Variants in RIF1 observed in about 807,000 individuals in gnomAD.
RIF1 encodes telomere-associated protein RIF1.
In RIF1, 45 loss-of-function variants were observed where a neutral mutation model predicts 247.1. The observed-to-expected ratio is 0.18, with a 90% CI of 0.14 to 0.23. The LOEUF (loss-of-function observed/expected upper bound fraction) is 0.23, where lower values mean the gene tolerates loss of function less well. Ranked by LOEUF, RIF1 falls within the 10% of genes least tolerant of loss-of-function variation. The probability of loss-of-function intolerance (pLI) is 1.00; values close to 1 mark genes in which losing one functional copy is unlikely to be tolerated. For missense variants in RIF1, 2,967 were observed against 2,862.5 expected (o/e 1.04, Z -0.83); for synonymous variants, 1,087 against 978.8 (o/e 1.11, Z -2.06).
At chr2:151,440,351 A>G (rs1391282081) in intron 15 of RIF1, among the ~76,000 whole-genome samples, 1 of 152,200 alleles carries the variant, frequency 6.6e-6, no homozygotes, top group Non-Finnish European at 1.5e-5. Context: ...CAACGTGGTA[A>G]GAAAAAAGTA....
At chr2:151,410,887 A>G (rs1160527912) in intron 2 of RIF1, among the ~76,000 whole-genome samples, 4 of 152,074 alleles carry the variant, frequency 2.6e-5, no homozygotes, top group South Asian at 2.1e-4. Context: ...AGAGCAATAC[A>G]CTGATTTTTA....
chr2:151,533,037 T>C, the RIF1 span, among the ~76,000 whole-genome samples: 1 of 152,142 alleles, frequency 6.6e-6, no homozygotes, highest in African/African-American at 2.4e-5. Context: ...CTGCAACAGT[T>C]GTAGTGATAA....
intron 11 of RIF1, among the ~76,000 whole-genome samples, chr2:151,502,417 A>G (rs991742038): frequency 6.6e-6 from 1 of 152,046 alleles, no homozygotes; most frequent in Non-Finnish European, 1.5e-5. Flanking sequence ...AGCTGCAAAC[A>G]TAAAGAATAC....
Position 151,466,034 on chromosome 2 carries a change from T to G in RIF1, c.6514T>G (p.Ser2172Ala). 1 of 1,613,800 alleles carries G rather than the reference T, an allele frequency of 6.2e-7. No individual in the cohort carries two copies. The highest frequency in any genetic ancestry group is 8.5e-7 in the Non-Finnish European group (1 of 1,179,756). ...PSGMQTRCVW[S>A]PLASPSTSIL... ...TGGCATGCAGACACGCTGTGTCTGG[T>G]CTCCTTTGGCTTCTCCGTCTACGAG... is the stretch of plus-strand genomic sequence containing the variant. The change falls in exon 30 of 36, where the codon TCT becomes GCT. Residue 2172 changes from serine (S) to alanine (A), a missense_variant. Around this residue, in one of 7 missense-constraint regions of RIF1, gnomAD observed 2,028 missense variants for 1,825.6 expected, o/e 1.11. Coordinates refer to ENST00000444746, the MANE Select transcript of RIF1 (RefSeq NM_018151.5).
At chr2:151,483,783 C>G (rs1460701343), downstream of RIF1, among the ~76,000 whole-genome samples, 1 of 152,202 alleles carries the variant, frequency 6.6e-6, no homozygotes, top group African/African-American at 2.4e-5. Flanking sequence ...GCATTACCAC[C>G]TGAGCTCTGC....
downstream of RIF1, among the ~76,000 whole-genome samples, chr2:151,509,188 A>G (rs1328083686): frequency 2.0e-5 from 3 of 152,202 alleles, no homozygotes; most frequent in Non-Finnish European, 4.4e-5. Context: ...CCAATGAGAG[A>G]TGTAGGCCTA....
intron 9 of RIF1, among the ~76,000 whole-genome samples, chr2:151,431,355 A>G (rs1690091630): frequency 6.6e-6 from 1 of 152,262 alleles, no homozygotes; most frequent in Non-Finnish European, 1.5e-5. Context: ...AGAATGGCTC[A>G]GTGGCCGACT....
chr2:151,410,570 TA>T (rs747969690), intron 2 of RIF1, 43 bp downstream of exon 2: 30 of 1,479,480 alleles, frequency 2.0e-5, no homozygotes, highest in Admixed American at 5.3e-5. Context: ...GGGCGCTCTA[TA>T]GTGGGGAGAA....
At chr2:151,453,579 CAAAA>C (rs59661470) in intron 21 of RIF1, among the ~76,000 whole-genome samples, 4 of 72,918 alleles carry the variant, frequency 5.5e-5, no homozygotes, top group East Asian at 3.7e-4. Flanking sequence ...GACTCTGTCT[CAAAA>C]AAAAAAAAAA....
chr2:151,444,456 C>T (rs369699541), intron 18 of RIF1, among the ~76,000 whole-genome samples: 1 of 152,132 alleles, frequency 6.6e-6, no homozygotes, highest in South Asian at 2.1e-4. Context: ...ACTACAGGTG[C>T]ACGCCACCAA....
intron 18 of RIF1, among the ~76,000 whole-genome samples, chr2:151,444,537 T>C (rs1389159376): frequency 6.6e-6 from 1 of 152,148 alleles, no homozygotes; most frequent in Non-Finnish European, 1.5e-5. Flanking sequence ...CTCAAACTCT[T>C]GACCTTAGCC....
intron 4 of RIF1, 41 bp downstream of exon 4, chr2:151,414,960 A>G: frequency 4.7e-6 from 6 of 1,288,728 alleles, no homozygotes; most frequent in East Asian, 2.5e-5. Context: ...TAGAGTATAA[A>G]GTATAAGTTT....
At chr2:151,424,381 C>T (rs1049071934) in intron 8 of RIF1, among the ~76,000 whole-genome samples, 3 of 152,160 alleles carry the variant, frequency 2.0e-5, no homozygotes, top group East Asian at 1.9e-4. Flanking sequence ...GGATTATAGG[C>T]GTGAGCCACC....
intron 9 of RIF1, among the ~76,000 whole-genome samples, chr2:151,432,155 C>T (rs1558957083): frequency 6.6e-6 from 1 of 152,100 alleles, no homozygotes; most frequent in Non-Finnish European, 1.5e-5. Context: ...ATTACAGGAG[C>T]CACCGCCATG....
downstream of RIF1, among the ~76,000 whole-genome samples, chr2:151,509,256 G>A (rs1255678472): frequency 6.6e-6 from 1 of 152,166 alleles, no homozygotes; most frequent in East Asian, 1.9e-4. Context: ...AGAAACGGTA[G>A]TTCATCATGA....
intron 17 of RIF1, 71 bp downstream of exon 17, chr2:151,443,400 A>G: frequency 7.7e-7 from 1 of 1,298,564 alleles, no homozygotes; most frequent in Non-Finnish European, 1.1e-6. Flanking sequence ...TTTATGTACT[A>G]TTTCATAAGT....
At chr2:151,411,870 A>G (rs1686299187) in intron 3 of RIF1, among the ~76,000 whole-genome samples, 2 of 152,224 alleles carry the variant, frequency 1.3e-5, no homozygotes, top group African/African-American at 4.8e-5. Flanking sequence ...CCATGAGATT[A>G]TTTCTTAATG....
downstream of RIF1, chr2:151,483,404 TC>T (rs750878356): frequency 6.6e-6 from 1 of 152,138 alleles, no homozygotes; most frequent in Non-Finnish European, 1.5e-5. Context: ...AGGTGACTAA[TC>T]TATAATGAGA....
At chr2:151,431,383 A>C (rs2432957) in intron 9 of RIF1, among the ~76,000 whole-genome samples, 60,083 of 152,124 alleles carry the variant, frequency 0.39, 12,021 homozygotes, top group African/African-American at 0.42. Flanking sequence ...GTAGTCAAAA[A>C]TTGGGCACCC....
Sources: allele counts gnomAD v4.1 joint callset (sites outside exome capture counted in the v4.1 genomes callset), GRCh38; gene constraint gnomAD v4.1.1; regional missense constraint gnomAD v4.1.1; transcripts MANE v1.5; gene names NCBI Gene and HGNC (gene_info 2026-07-23, HGNC 2026-07-21).